Variants in KRT8 observed in about 807,000 individuals in gnomAD.
KRT8 encodes the protein keratin 8.
A neutral mutation model predicts 43.0 loss-of-function variants in KRT8; 24 were observed. The ratio of observed to expected loss-of-function variants is 0.56; its 90% CI spans 0.40 to 0.78. The LOEUF is 0.78. Ranked by LOEUF, KRT8 falls within the 30% of genes least tolerant of loss-of-function variation. KRT8 has a pLI of 0.00. For synonymous variants in KRT8, 214 were observed against 261.2 expected (o/e 0.82, Z 1.74); for missense variants, 492 against 638.4 (o/e 0.77, Z 2.47).
intron 2 of KRT8, chr12:52,949,142 T>G (rs199517515): frequency 6.2e-7 from 1 of 1,600,748 alleles, no homozygotes; most frequent in Non-Finnish European, 8.5e-7. Flanking sequence ...CCGCAAAGCC[T>G]GAGTCCTGTC....
chr12:52,945,736 A>T (rs909717609), intron 2 of KRT8, among the ~76,000 whole-genome samples: 2 of 151,574 alleles, frequency 1.3e-5, no homozygotes, highest in African/African-American at 4.8e-5. Context: ...GTGGAGAACC[A>T]TTTCCCCTCT....
upstream of KRT8, among the ~76,000 whole-genome samples, chr12:52,905,718 C>T (rs543594228): frequency 9.8e-5 from 7 of 71,332 alleles, no homozygotes; most frequent in South Asian, 1.8e-3. Context: ...AAACATCACA[C>T]GCGCACACAC....
chr12:52,945,952 C>G (rs1942337648), intron 2 of KRT8, among the ~76,000 whole-genome samples: 1 of 152,050 alleles, frequency 6.6e-6, no homozygotes, highest in Non-Finnish European at 1.5e-5. Context: ...CCAAGAGGCT[C>G]TCTGACAAAG....
At chr12:52,900,731 C>T (rs778048889) in intron 3 of KRT8, 48 bp from the exon 4 acceptor site, 3 of 1,359,296 alleles carry the variant, frequency 2.2e-6, no homozygotes, top group Non-Finnish European at 3.1e-6. Flanking sequence ...CACACCCAAC[C>T]CCAACCAAGG....
chr12:52,934,142 T>G (rs1448065658), intron 2 of KRT8, among the ~76,000 whole-genome samples: 1 of 151,338 alleles, frequency 6.6e-6, no homozygotes, highest in Non-Finnish European at 1.5e-5. Flanking sequence ...GGCAGGAGAA[T>G]TGCTTGAACC....
intron 2 of KRT8, chr12:52,948,775 C>T: frequency 2.4e-6 from 1 of 408,484 alleles, no homozygotes; most frequent in Non-Finnish European, 4.3e-6. Flanking sequence ...CAGGCGTGAG[C>T]CACTGCGCCC....
At chr12:52,897,652 G>A in intron 7 of KRT8, 34 bp from the exon 8 acceptor site, 1 of 1,597,682 alleles carries the variant, frequency 6.3e-7, no homozygotes, top group Non-Finnish European at 8.5e-7. Context: ...CATGAGTACA[G>A]AAGCCCACCC....
At chr12:52,915,759 G>C (rs1286444692) in intron 2 of KRT8, among the ~76,000 whole-genome samples, 2 of 152,010 alleles carry the variant, frequency 1.3e-5, no homozygotes, top group African/African-American at 4.8e-5. Flanking sequence ...ATGCTGGACA[G>C]GCAGAAACAA....
At position 52,900,540 on chromosome 12, in the gene KRT8, C is replaced by A. The variant is rs375402364; in HGVS notation, c.690+48G>T. On this transcript the variant is annotated intron_variant, in intron 4 of 7. Transcript: ENST00000692008. ...CTCTGGTTGAGTCTCAGGGTGGAGG[C>A]GCTGACAAGGCTGGGGGACCCTCAC... is the stretch of plus-strand genomic sequence containing the variant. 1.5e-5 allele frequency: 18 copies of A among 1,233,630 alleles called. No homozygotes were observed. In the Middle Eastern group the frequency reaches 8.1e-4, roughly 55 times the overall value. 76.4% of individuals were successfully genotyped at this position (1,233,630 alleles called of 1,614,324 possible).
intron 5 of KRT8, 31 bp from the exon 6 acceptor site, chr12:52,898,930 G>A (rs778727017): frequency 1.9e-6 from 3 of 1,599,742 alleles, no homozygotes; most frequent in African/African-American, 1.3e-5. Flanking sequence ...AAGTAGGTCA[G>A]GTTGGGTATG....
chr12:52,926,587 A>G (rs889854135), intron 2 of KRT8: 7 of 795,230 alleles, frequency 8.8e-6, no homozygotes, highest in Non-Finnish European at 1.4e-5. Flanking sequence ...GCTGGGTTAC[A>G]CTTGCTGTGG....
At chr12:52,905,671 T>A (rs1592167153), upstream of KRT8, among the ~76,000 whole-genome samples, 1 of 152,020 alleles carries the variant, frequency 6.6e-6, no homozygotes, top group East Asian at 1.9e-4. Context: ...GGGTAGATAT[T>A]TGTGGAATGA....
chr12:52,928,816 G>A (rs1282190900), intron 2 of KRT8, among the ~76,000 whole-genome samples: 1 of 152,218 alleles, frequency 6.6e-6, no homozygotes. Context: ...TGAAGCGAGA[G>A]AATCGCTTGA....
intron 2 of KRT8, 124 bp downstream of exon 2, chr12:52,901,740 G>T (rs1308496888): frequency 2.7e-6 from 2 of 745,352 alleles, no homozygotes; most frequent in African/African-American, 3.4e-5. Flanking sequence ...TCATCAGGTG[G>T]TCACCCTAAT....
rs1456741565 is a variant in KRT8, at chr12:52,897,628, G to A, written c.1262-10C>T. On this transcript the variant is annotated splice_polypyrimidine_tract_variant and intron_variant, in intron 7 of 7. Coordinates refer to ENST00000692008, the Ensembl canonical transcript of KRT8. ...GCCGAGCTCAGACCACCTGGTGAGG[G>A]ACAGAGGTAGCCACATGAGTACAGA... 1 of 1,597,966 alleles carries A rather than the reference G, an allele frequency of 6.3e-7. No homozygotes were observed. Among genetic ancestry groups the A allele is most frequent in the Admixed American group, 1.7e-5 (1 of 60,022 alleles).
intron 2 of KRT8, among the ~76,000 whole-genome samples, chr12:52,930,217 A>ATTTTTTTTTTTTTTTTTTTTT (rs35917845): frequency 6.8e-6 from 1 of 146,396 alleles, no homozygotes; most frequent in Non-Finnish European, 1.5e-5. Context: ...CAATTCTATC[A>ATTTTTTTTTTTTTTTTTTTTT]TTTTTTTTTT....
intron 2 of KRT8, among the ~76,000 whole-genome samples, chr12:52,917,223 C>G (rs997725190): frequency 6.6e-6 from 1 of 151,758 alleles, no homozygotes; most frequent in Non-Finnish European, 1.5e-5. Flanking sequence ...AATCCAGTCT[C>G]TGGTAAAAAA....
chr12:52,940,674 G>A (rs1034317157), intron 2 of KRT8, among the ~76,000 whole-genome samples: 1 of 148,984 alleles, frequency 6.7e-6, no homozygotes, highest in Non-Finnish European at 1.5e-5. Flanking sequence ...GGCCCAGGCT[G>A]GAGTGCAGTT....
intron 2 of KRT8, among the ~76,000 whole-genome samples, chr12:52,922,148 A>G (rs960954622): frequency 1.5e-5 from 2 of 137,356 alleles, no homozygotes; most frequent in Non-Finnish European, 3.1e-5. Context: ...CCTGTGAGTA[A>G]CAATGGCACT....
Sources: allele counts gnomAD v4.1 joint callset (sites outside exome capture counted in the v4.1 genomes callset), GRCh38; gene constraint gnomAD v4.1.1; transcripts MANE v1.5; gene names NCBI Gene and HGNC (gene_info 2026-07-23, HGNC 2026-07-21).